ATG2A: variants seen among roughly 807,000 people sequenced by gnomAD.
ATG2A encodes the protein autophagy related 2A.
In ATG2A, 103 loss-of-function variants were observed where a neutral mutation model predicts 214.2. The observed-to-expected ratio is 0.48, with a 90% CI of 0.41 to 0.57. The LOEUF (loss-of-function observed/expected upper bound fraction) is 0.57. Ranked by LOEUF, ATG2A falls within the 20% of genes least tolerant of loss-of-function variation. The probability of loss-of-function intolerance (pLI) is 0.00; values close to 1 mark genes in which losing one functional copy is unlikely to be tolerated. For synonymous variants in ATG2A, 1,160 were observed against 1,142.1 expected (o/e 1.02, Z -0.32); for missense variants, 2,312 against 2,613.2 (o/e 0.88, Z 2.51).
At chr11:64,907,723 C>T (rs1455856182) in intron 17 of ATG2A, 25 bp downstream of exon 17, 10 of 1,611,688 alleles carry the variant, frequency 6.2e-6, no homozygotes, top group South Asian at 2.2e-5. Context: ...TGTCCAGTCC[C>T]GCCCTGCTGG....
intron 14 of ATG2A, 132 bp downstream of exon 14, chr11:64,909,549 G>T: frequency 6.7e-7 from 1 of 1,484,692 alleles, no homozygotes; most frequent in Non-Finnish European, 9.1e-7. Context: ...GCAGTGCTGG[G>T]ACCCCAAGAG....
chr11:64,910,745 T>C, intron 11 of ATG2A, 37 bp from the exon 12 acceptor site: 2 of 1,610,050 alleles, frequency 1.2e-6, no homozygotes, highest in Non-Finnish European at 1.7e-6. Context: ...GGGTCAGGCC[T>C]GGCCCCACAG....
chr11:64,900,142 A>G (rs1590626989), intron 31 of ATG2A, among the ~76,000 whole-genome samples: 1 of 150,918 alleles, frequency 6.6e-6, no homozygotes, highest in South Asian at 2.1e-4. Context: ...CTGGGATTAC[A>G]GGCATAAGCC....
rs753699654 is a variant in ATG2A, at chr11:64,894,854, G to A, written c.*119C>T. 3 of 1,208,716 alleles carry A rather than the reference G, an allele frequency of 2.5e-6. No individual in the cohort carries two copies. In the East Asian group the frequency reaches 7.0e-5, roughly 28 times the overall value. The allele number at this position is 1,208,716 out of a possible 1,614,324, so 74.9% of individuals were successfully genotyped here. ...GATTGGCAACGGGCAGGCTGGGAAGGCGTCCTTCACAGTGGCCATCCCCTG... is the reference window on the plus strand; with the variant it reads ...GATTGGCAACGGGCAGGCTGGGAAGACGTCCTTCACAGTGGCCATCCCCTG... On this transcript the variant is annotated 3_prime_UTR_variant, in exon 41 of 41. Coordinates refer to ENST00000377264, the MANE Select transcript of ATG2A (RefSeq NM_015104.3).
At position 64,901,083 on chromosome 11, in the gene ATG2A, C is replaced by G. The variant is rs201488981; in HGVS notation, c.4129G>C (p.Gly1377Arg). The G allele has an allele frequency of 6.4e-7, 1 of 1,564,502 alleles. No homozygotes were observed. The highest frequency in any genetic ancestry group is 8.7e-7 in the Non-Finnish European group (1 of 1,154,824). Residue 1377 changes from glycine (G) to arginine (R), a missense_variant, in exon 30 of 41, where the codon GGG (glycine) becomes CGG (arginine). Transcript: ENST00000377264. Reference sequence around the variant, plus strand: ...TGCAGCTGTGTCACCACAGGCTCCCCATCTCGGGGCTGCAGGGAGGCCAGG... The same window carrying G: ...TGCAGCTGTGTCACCACAGGCTCCCGATCTCGGGGCTGCAGGGAGGCCAGG... ...APGLGIPPRD[G>R]EPVVTQLHPG...
chr11:64,908,101 T>C lies in ATG2A; in HGVS notation c.2365-211A>G, dbSNP rs540504010. ...GCTTCAGGTATGTTAACTTCTTTCATCCTCACAACAGGCCTGTGACACAGG... is the reference window on the plus strand; with the variant it reads ...GCTTCAGGTATGTTAACTTCTTTCACCCTCACAACAGGCCTGTGACACAGG... On this transcript the variant is annotated intron_variant, in intron 16 of 40. Transcript: ENST00000377264. Among the ~76,000 whole-genome samples the C allele has an allele frequency of 2.0e-5, 3 of 152,338 alleles. No individual in the cohort carries two copies. The East Asian group carries it at 5.8e-4, about 29-fold the overall frequency.
chr11:64,913,458 T>A lies in ATG2A; in HGVS notation c.591-57A>T, dbSNP rs928309029. Reference sequence around the variant, plus strand: ...CCACCCCAGGCCTGGAGCCCCTCTCTCCACACAGTGCTCTGCTCTAGGGGC... The same window carrying A: ...CCACCCCAGGCCTGGAGCCCCTCTCACCACACAGTGCTCTGCTCTAGGGGC... On this transcript the variant is annotated intron_variant, in intron 4 of 40. Transcript: ENST00000377264. The surrounding 1 kb of genome is among the most constrained non-coding windows in gnomAD (Gnocchi z 4.3). 1.1e-5 allele frequency: 16 copies of A among 1,499,418 alleles called. No individual in the cohort carries two copies. Among genetic ancestry groups the A allele is most frequent in the Non-Finnish European group, 1.4e-5 (16 of 1,119,998 alleles). 92.9% of individuals were successfully genotyped at this position (1,499,418 alleles called of 1,614,324 possible).
chr11:64,916,047 C>T (rs1429797918), intron 1 of ATG2A, among the ~76,000 whole-genome samples: 1 of 152,204 alleles, frequency 6.6e-6, no homozygotes, highest in Non-Finnish European at 1.5e-5. Flanking sequence ...ACTGAGAAGT[C>T]CCTGCCTCCA....
chr11:64,896,825 C>T lies in ATG2A; in HGVS notation c.5195G>A (p.Trp1732Ter). 6.2e-7 allele frequency: 1 copy of T among 1,614,200 alleles called. No individual in the cohort carries two copies. Among genetic ancestry groups the T allele is most frequent in the Non-Finnish European group, 8.5e-7 (1 of 1,180,044 alleles). ...DKVLGYALNE[W>*]LQDIRKNQLP... is the part of the protein sequence containing the mutation. ...CTGGTTCTTGCGGATGTCCTGCAGCCACTCGTTGAGGGCATAGCCCAGCAC... is the reference window on the plus strand; with the variant it reads ...CTGGTTCTTGCGGATGTCCTGCAGCTACTCGTTGAGGGCATAGCCCAGCAC... The change falls in exon 38 of 41, where the codon TGG becomes TAG. Residue 1732 changes from tryptophan (W) to a stop codon, truncating the protein, a stop_gained. Coordinates refer to ENST00000377264, the MANE Select transcript of ATG2A (RefSeq NM_015104.3). LOFTEE classifies it high-confidence loss of function.
At position 64,905,860 on chromosome 11, in the gene ATG2A, A is replaced by AG. The variant is rs1226041158; in HGVS notation, c.3265-13dup. On this transcript the variant is annotated splice_polypyrimidine_tract_variant and intron_variant, in intron 22 of 40. Transcript: ENST00000377264. ...AGGAACTCCAACAACTTCAGAGGCC[A>AG]GGGCAGGAGGAAGCAGTGAGGATCA... 6.2e-7 allele frequency: 1 copy of AG among 1,611,794 alleles called. No homozygotes were observed.
rs756559942 is a variant in ATG2A, at chr11:64,912,218, C to G, written c.954G>C (p.Lys318Asn). The G allele has an allele frequency of 6.7e-5, 108 of 1,613,412 alleles. 1 individual carries two copies. Among genetic ancestry groups the G allele is most frequent in the Middle Eastern group, 6.6e-4 (4 of 6,084 alleles). The change falls in exon 8 of 41, where the codon AAG becomes AAC. Residue 318 changes from lysine (K) to asparagine (N), a missense_variant. Transcript: ENST00000377264. ...GGTCTTCGGCACCTAGCGGGCGGCT[C>G]TTGTTCAGCTTGTCAGCCAGGCCCT... ...DHEGLADKLNKSRPLGAEDLW... is the reference protein window; with the variant it reads ...DHEGLADKLNNSRPLGAEDLW...
At chr11:64,914,531 A>T in intron 1 of ATG2A, 31 bp from the exon 2 acceptor site, 1 of 1,602,032 alleles carries the variant, frequency 6.2e-7, no homozygotes, top group Non-Finnish European at 8.5e-7. Flanking sequence ...AAACCAGCTC[A>T]GGGAAACCCC....
chr11:64,897,261 C>A, intron 37 of ATG2A, 151 bp downstream of exon 37: 1 of 868,436 alleles, frequency 1.2e-6, no homozygotes, highest in Non-Finnish European at 1.8e-6. Flanking sequence ...ATGTGTGAGC[C>A]ATCATGCCCA....
chr11:64,912,598 T>A, intron 6 of ATG2A, 175 bp from the exon 7 acceptor site: 1 of 590,400 alleles, frequency 1.7e-6, no homozygotes, highest in Non-Finnish European at 2.9e-6. Flanking sequence ...CAGTTTCTTT[T>A]TTTCTTCTTT....
chr11:64,894,821 TCA>T lies in ATG2A; in HGVS notation c.*150_*151del. The T allele has an allele frequency of 1.0e-6, 1 of 964,044 alleles. No individual in the cohort carries two copies. The highest frequency in any genetic ancestry group is 1.7e-6 in the Non-Finnish European group (1 of 602,416). 59.7% of individuals were successfully genotyped at this position (964,044 alleles called of 1,614,324 possible). Reference sequence around the variant, plus strand: ...GCCCCAAGGCAGGGAGGCCCCCCTCTCACAGCAGATTGGCAACGGGCAGGCTG... The same window carrying T: ...GCCCCAAGGCAGGGAGGCCCCCCTCTCAGCAGATTGGCAACGGGCAGGCTG... On this transcript the variant is annotated 3_prime_UTR_variant, in exon 41 of 41. Transcript: ENST00000377264.
At chr11:64,906,299 C>T (rs1379578202) in intron 21 of ATG2A, 35 bp downstream of exon 21, 2 of 1,609,312 alleles carry the variant, frequency 1.2e-6, no homozygotes, top group Admixed American at 3.3e-5. Flanking sequence ...GCAGCCCAGG[C>T]TAGCAGGAGG....
chr11:64,906,869 G>C (rs1944572038), intron 19 of ATG2A, 54 bp from the exon 20 acceptor site: 15 of 1,570,444 alleles, frequency 9.6e-6, no homozygotes, highest in Non-Finnish European at 1.0e-5. Flanking sequence ...CAACCCTCAA[G>C]CCCTCTGGGG....
chr11:64,910,330 C>T, intron 12 of ATG2A, 135 bp from the exon 13 acceptor site: 1 of 1,316,576 alleles, frequency 7.6e-7, no homozygotes, highest in Non-Finnish European at 1.0e-6. Flanking sequence ...CCCACCTTTG[C>T]CCGACGCGCA....
intron 1 of ATG2A, among the ~76,000 whole-genome samples, chr11:64,916,197 C>A (rs1808998038): frequency 6.6e-6 from 1 of 152,184 alleles, no homozygotes; most frequent in African/African-American, 2.4e-5. Context: ...TGACCTTACA[C>A]CTCTTGGCCT....
Sources: allele counts gnomAD v4.1 joint callset (sites outside exome capture counted in the v4.1 genomes callset), GRCh38; gene constraint gnomAD v4.1.1; non-coding constraint Gnocchi (gnomAD v3.1); transcripts MANE v1.5; gene names NCBI Gene and HGNC (gene_info 2026-07-23, HGNC 2026-07-21).